FAM171A1: variants seen among roughly 807,000 people sequenced by gnomAD.
FAM171A1 encodes the protein family with sequence similarity 171 member A1.
Under a neutral mutation model 74.9 loss-of-function variants are expected in FAM171A1, and 23 were observed. That is an observed-to-expected ratio of 0.31 (90% confidence interval 0.22 to 0.44). The LOEUF (loss-of-function observed/expected upper bound fraction) is 0.44. Among genes scored for constraint, FAM171A1 ranks in the 20% least tolerant of loss-of-function variants. The pLI is 1.00. For missense variants in FAM171A1, 1,162 were observed against 1,159.2 expected (o/e 1.00, Z -0.03); for synonymous variants, 527 against 505.7 (o/e 1.04, Z -0.57).
intron 1 of FAM171A1, among the ~76,000 whole-genome samples, chr10:15,367,178 G>A (rs952661841): frequency 4.6e-5 from 7 of 151,546 alleles, no homozygotes; most frequent in South Asian, 2.1e-4. Context: ...CAGCCTGGGC[G>A]ACAGAGCGAG....
chr10:15,280,091 A>T (rs1300470559), intron 2 of FAM171A1, among the ~76,000 whole-genome samples: 1 of 152,086 alleles, frequency 6.6e-6, no homozygotes, highest in Non-Finnish European at 1.5e-5. Context: ...CATCTCAAAA[A>T]GAAGAAAAAA....
intron 3 of FAM171A1, among the ~76,000 whole-genome samples, chr10:15,262,933 G>A (rs1316445705): frequency 1.6e-4 from 24 of 152,184 alleles, no homozygotes; most frequent in Admixed American, 1.3e-3. Context: ...CTTCCCTGAC[G>A]GCCTGCTTTC....
At chr10:15,289,466 AC>A (rs2131815638) in intron 1 of FAM171A1, among the ~76,000 whole-genome samples, 1 of 152,178 alleles carries the variant, frequency 6.6e-6, no homozygotes. Flanking sequence ...GCTCATTTTG[AC>A]TGCAAACTCT....
intron 1 of FAM171A1, among the ~76,000 whole-genome samples, chr10:15,315,369 G>C (rs1196675674): frequency 6.6e-6 from 1 of 152,238 alleles, no homozygotes; most frequent in Non-Finnish European, 1.5e-5. Flanking sequence ...TTGAGTGTTA[G>C]TTGTGTGGTT....
chr10:15,325,495 G>C (rs1437612240), intron 1 of FAM171A1, among the ~76,000 whole-genome samples: 1 of 152,096 alleles, frequency 6.6e-6, no homozygotes, highest in Non-Finnish European at 1.5e-5. Flanking sequence ...GCGACAGAGT[G>C]ATACTCCATC....
At chr10:15,292,048 T>C (rs1335644863) in intron 1 of FAM171A1, among the ~76,000 whole-genome samples, 1 of 152,198 alleles carries the variant, frequency 6.6e-6, no homozygotes, top group Non-Finnish European at 1.5e-5. Context: ...TTCAGGTAGC[T>C]GGTTAGTCCA....
chr10:15,216,910 T>C (rs1034719873), intron 6 of FAM171A1, among the ~76,000 whole-genome samples: 1 of 151,776 alleles, frequency 6.6e-6, no homozygotes, highest in Non-Finnish European at 1.5e-5. Context: ...GGAGAGCCCC[T>C]AGCCCAAATG....
chr10:15,328,083 A>C (rs1835578918), intron 1 of FAM171A1, among the ~76,000 whole-genome samples: 1 of 141,084 alleles, frequency 7.1e-6, no homozygotes, highest in African/African-American at 2.6e-5. Flanking sequence ...GCCTTCAAAA[A>C]AACCCAAAAA....
chr10:15,243,698 A>G (rs767128538), intron 5 of FAM171A1, among the ~76,000 whole-genome samples: 2 of 152,204 alleles, frequency 1.3e-5, no homozygotes, highest in Non-Finnish European at 2.9e-5. Context: ...AAAAAATCCA[A>G]TAGAACTGTC....
In FAM171A1 at chr10:15,214,450, T is replaced by C; in HGVS notation, c.1138A>G (p.Thr380Ala). The change falls in exon 8 of 8, where the codon ACC (threonine) becomes GCC (alanine). Residue 380 changes from threonine to alanine, a missense_variant. By Grantham distance (58) the Thr-to-Ala change is moderately conservative. Coordinates refer to ENST00000378116, the MANE Select transcript of FAM171A1 (RefSeq NM_001010924.2). ...GGGGCCTCGGGGCGGCCGTGGCTGG[T>C]GACGGACAGCGGGCCAGGGAATTCT... ...ASEFPGPLSV[T>A]SHGRPEAPGT... is the part of the protein sequence containing the mutation. 1.9e-6 allele frequency: 3 copies of C among 1,613,750 alleles called. No homozygotes were observed. Among genetic ancestry groups the C allele is most frequent in the Non-Finnish European group, 2.5e-6 (3 of 1,179,994 alleles).
intron 3 of FAM171A1, among the ~76,000 whole-genome samples, chr10:15,262,953 C>T (rs1405985178): frequency 6.6e-6 from 1 of 152,176 alleles, no homozygotes; most frequent in Non-Finnish European, 1.5e-5. Context: ...CCCTGTGAAA[C>T]CAGCCACCAG....
In FAM171A1 at chr10:15,312,183, C is replaced by T. The variant is rs568787607; in HGVS notation, c.98-28078G>A. 3.9e-5 allele frequency among the ~76,000 whole-genome samples: 6 copies of T among 152,186 alleles called. No individual in the cohort carries two copies. In the South Asian group the frequency reaches 1.0e-3, roughly 26 times the overall value. ...TTTGAATCGGACCAGATCGGGTCAT[C>T]GAAAGAGAGGATCAAAAGCCCCCTG... On this transcript the variant is annotated intron_variant, in intron 1 of 7. Coordinates refer to ENST00000378116, the MANE Select transcript of FAM171A1 (RefSeq NM_001010924.2).
intron 3 of FAM171A1, among the ~76,000 whole-genome samples, chr10:15,263,266 C>T (rs1047769843): frequency 6.6e-6 from 1 of 152,154 alleles, no homozygotes; most frequent in Non-Finnish European, 1.5e-5. Flanking sequence ...CAGGCTGGCT[C>T]CCCCAGTCTC....
chr10:15,312,988 C>T (rs927226505), intron 1 of FAM171A1, among the ~76,000 whole-genome samples: 1 of 152,090 alleles, frequency 6.6e-6, no homozygotes, highest in Non-Finnish European at 1.5e-5. Context: ...AGCCACCGTG[C>T]CCGGCCTTGC....
intron 5 of FAM171A1, among the ~76,000 whole-genome samples, chr10:15,245,694 T>C (rs990401230): frequency 9.2e-5 from 14 of 152,180 alleles, no homozygotes; most frequent in Non-Finnish European, 1.6e-4. Context: ...CCCCCCAGAC[T>C]CCCTGCTCTT....
chr10:15,359,332 C>T (rs927099869), intron 1 of FAM171A1, among the ~76,000 whole-genome samples: 3 of 152,148 alleles, frequency 2.0e-5, no homozygotes, highest in African/African-American at 7.2e-5. Flanking sequence ...TTCAGGATTG[C>T]AGAAGCTGCC....
chr10:15,353,238 C>A (rs1415119400), intron 1 of FAM171A1, among the ~76,000 whole-genome samples: 2 of 152,202 alleles, frequency 1.3e-5, no homozygotes, highest in African/African-American at 2.4e-5. Context: ...CACCTCCAAC[C>A]TCTGATGAGA....
At chr10:15,254,975 C>T (rs1380528513) in intron 3 of FAM171A1, 96 bp from the exon 4 acceptor site, 5 of 1,101,876 alleles carry the variant, frequency 4.5e-6, no homozygotes, top group Non-Finnish European at 6.6e-6. Context: ...TTTCAGCACG[C>T]CTCCCCCACC....
At chr10:15,296,161 T>C (rs1835158573) in intron 1 of FAM171A1, among the ~76,000 whole-genome samples, 1 of 152,186 alleles carries the variant, frequency 6.6e-6, no homozygotes, top group Non-Finnish European at 1.5e-5. Flanking sequence ...TCTGATGAAA[T>C]TAGGATGCAC....
Sources: allele counts gnomAD v4.1 joint callset (sites outside exome capture counted in the v4.1 genomes callset), GRCh38; gene constraint gnomAD v4.1.1; transcripts MANE v1.5; gene names NCBI Gene and HGNC (gene_info 2026-07-23, HGNC 2026-07-21).